DIPK1C: variants seen among roughly 807,000 people sequenced by gnomAD.
DIPK1C encodes familial non-conventional Alzheimer's dementia.
Under a neutral mutation model 28.0 loss-of-function variants are expected in DIPK1C, and 33 were observed. The observed-to-expected ratio is 1.18, with a 90% CI of 0.89 to 1.58. DIPK1C has a LOEUF of 1.58. Among genes scored for constraint, DIPK1C ranks in the 40% most tolerant of loss-of-function variants. The pLI, the probability that DIPK1C is intolerant of heterozygous loss-of-function variation, is 0.00. For synonymous variants in DIPK1C, 255 were observed against 248.8 expected, an observed-to-expected ratio of 1.02 and a Z score of -0.23; for missense variants, 569 against 568.5, an observed-to-expected ratio of 1.00 and a Z score of -0.01.
At position 74,446,940 on chromosome 18, in the gene DIPK1C, C is replaced by A; in HGVS notation, c.542G>T (p.Arg181Leu). Residue 181 changes from arginine (R) to leucine (L), a missense_variant, in exon 2 of 4, where the codon CGG becomes CTG. Transcript: ENST00000343998. ...WWPGRRGPRW[R>L]GQLASLWALL... ...GGCCCACAGGCTGGCCAGCTGTCCC[C>A]GCCAGCGTGGGCCCCGCCTGCCCGG... The A allele has an allele frequency of 6.7e-7, 1 of 1,502,688 alleles. No individual in the cohort carries two copies. The highest frequency in any genetic ancestry group is 1.7e-4 in the Middle Eastern group (1 of 5,752). The allele number at this position is 1,502,688 out of a possible 1,614,324, so 93.1% of individuals were successfully genotyped here.
At chr18:74,458,940 CA>C (rs61690822), upstream of DIPK1C, among the ~76,000 whole-genome samples, 1,030 of 123,146 alleles carry the variant, frequency 8.4e-3, 20 homozygotes, top group African/African-American at 0.022. Flanking sequence ...CCAACCTGGG[CA>C]AAAAAAAAAA....
At chr18:74,445,376 G>A (rs1022191378) in intron 2 of DIPK1C, among the ~76,000 whole-genome samples, 7 of 152,184 alleles carry the variant, frequency 4.6e-5, no homozygotes, top group African/African-American at 1.7e-4. Context: ...CACACTTTGA[G>A]GCACCCGTAG....
At chr18:74,441,351 AAGTGAGG>A (rs1986119415) in intron 3 of DIPK1C, among the ~76,000 whole-genome samples, 1 of 152,132 alleles carries the variant, frequency 6.6e-6, no homozygotes, top group Non-Finnish European at 1.5e-5. Flanking sequence ...TGAGAGCCTC[AAGTGAGG>A]GCAGAAGGAG....
At chr18:74,464,087 T>A in the DIPK1C span, among the ~76,000 whole-genome samples, 1 of 152,200 alleles carries the variant, frequency 6.6e-6, no homozygotes, top group Non-Finnish European at 1.5e-5. Flanking sequence ...CCTCACCCCC[T>A]TTAATCTCAG....
At chr18:74,437,911 A>G (rs1986034683) in intron 3 of DIPK1C, among the ~76,000 whole-genome samples, 1 of 152,126 alleles carries the variant, frequency 6.6e-6, no homozygotes, top group South Asian at 2.1e-4. Context: ...TTTCTTTTTG[A>G]GACAAGGTCT....
intron 3 of DIPK1C, among the ~76,000 whole-genome samples, chr18:74,439,944 C>CTT (rs11350643): frequency 3.9e-5 from 5 of 129,634 alleles, no homozygotes; most frequent in Non-Finnish European, 4.9e-5. Flanking sequence ...GGATCGTATA[C>CTT]TTTTTTTTTT....
chr18:74,446,664 T>G lies in DIPK1C; in HGVS notation c.818A>C (p.His273Pro), dbSNP rs568472946. 262 of 1,505,646 alleles carry G rather than the reference T, an allele frequency of 1.7e-4. 2 individuals are homozygous for G. The South Asian group carries it at 3.2e-3, about 19-fold the overall frequency. 93.3% of individuals were successfully genotyped at this position (1,505,646 alleles called of 1,614,324 possible). A position where few individuals can be genotyped will look rare whatever the true frequency, so the allele number is the denominator to read the frequency against. ...MVNHFDSDFS[H>P]RLHLCDIKPE... ...CTTGATGTCGCAGAGGTGGAGGCGG[T>G]GGGAAAAGTCACTGTCAAAATGGTT... Residue 273 changes from histidine to proline, a missense_variant, in exon 2 of 4, where the codon CAC becomes CCC. His to Pro is a moderately conservative substitution (Grantham distance 77, BLOSUM62 -2). Transcript: ENST00000343998.
intron 2 of DIPK1C, among the ~76,000 whole-genome samples, chr18:74,446,173 G>T (rs904980409): frequency 6.6e-6 from 1 of 152,240 alleles, no homozygotes; most frequent in African/African-American, 2.4e-5. Flanking sequence ...TTGTCACAGA[G>T]CATGGGCAGC....
chr18:74,462,194 C>T (rs561981640), upstream of DIPK1C, among the ~76,000 whole-genome samples: 22 of 152,330 alleles, frequency 1.4e-4, no homozygotes, highest in African/African-American at 5.1e-4. Context: ...CATTGTGTGG[C>T]TGTGGAACGT....
Position 74,447,215 on chromosome 18 carries a change from C to A in DIPK1C, c.267G>T (p.Leu89=), listed in dbSNP as rs1344008038. Residue 89 remains leucine (L), a synonymous_variant, in exon 2 of 4, where the codon CTG becomes CTT. Transcript: ENST00000343998. This position sits in a 1 kb window ranked among gnomAD's most constrained non-coding sequence, Gnocchi z 4.1. The part of the protein sequence containing the change: ...LCEDLCVAGE[L]LFQRCLHYNR... Reference sequence around the variant, plus strand: ...TGTAGTGCAGGCAGCGTTGGAACAGCAGCTCTCCCGCCACACACAGGTCCT... The same window carrying A: ...TGTAGTGCAGGCAGCGTTGGAACAGAAGCTCTCCCGCCACACACAGGTCCT... The A allele has an allele frequency of 2.6e-6, 4 of 1,549,878 alleles. No individual in the cohort carries two copies. The highest frequency in any genetic ancestry group is 2.6e-6 in the Non-Finnish European group (3 of 1,146,622).
chr18:74,452,308 C>A lies in DIPK1C; in HGVS notation c.198+4754G>T, dbSNP rs946063363. ...CTCTTCTTATGTAGAGTGCAAAATT[C>A]GTCTCCCATGGCTTACCAGTGTTAA... On this transcript the variant is annotated intron_variant, in intron 1 of 3. Transcript: ENST00000343998. Among the ~76,000 whole-genome samples, 8 of 152,162 alleles carry A rather than the reference C, an allele frequency of 5.3e-5. No homozygotes were observed. In the East Asian group the frequency reaches 9.6e-4, roughly 18 times the overall value.
chr18:74,447,226 C>G lies in DIPK1C; in HGVS notation c.256G>C (p.Ala86Pro), dbSNP rs556922449. ...CAGCGTTGGAACAGCAGCTCTCCCG[C>G]CACACACAGGTCCTCGCAGAGGTCC... is the stretch of plus-strand genomic sequence containing the variant. ...AGDLCEDLCV[A>P]GELLFQRCLH... The change falls in exon 2 of 4, where the codon GCG becomes CCG. Residue 86 changes from alanine to proline, a missense_variant. Ala to Pro is a conservative substitution (Grantham distance 27). Coordinates refer to ENST00000343998, the MANE Select transcript of DIPK1C (RefSeq NM_001044369.3). The surrounding 1 kb of genome is among the most constrained non-coding windows in gnomAD (Gnocchi z 4.1). 2.2e-5 allele frequency: 34 copies of G among 1,549,804 alleles called. No homozygotes were observed. The East Asian group carries it at 8.1e-4, about 37-fold the overall frequency.
At chr18:74,457,434 G>C (rs1043555355), upstream of DIPK1C, among the ~76,000 whole-genome samples, 3 of 151,600 alleles carry the variant, frequency 2.0e-5, no homozygotes, top group East Asian at 5.9e-4. Context: ...GCGTCCAGCA[G>C]CAGCAACACC....
At chr18:74,456,668 G>A (rs556515388) in intron 1 of DIPK1C, among the ~76,000 whole-genome samples, 269 of 152,316 alleles carry the variant, frequency 1.8e-3, no homozygotes, top group Non-Finnish European at 2.9e-3. Flanking sequence ...TGGCACCCCG[G>A]ATCCCGAACC....
chr18:74,455,659 T>A (rs1409630442), intron 1 of DIPK1C, among the ~76,000 whole-genome samples: 14 of 137,058 alleles, frequency 1.0e-4, no homozygotes, highest in African/African-American at 3.9e-4. Flanking sequence ...GGCATGGTGG[T>A]GGAGGTTGCG....
the DIPK1C span, among the ~76,000 whole-genome samples, chr18:74,463,895 G>A: frequency 6.6e-6 from 1 of 152,200 alleles, no homozygotes; most frequent in Non-Finnish European, 1.5e-5. Flanking sequence ...GCAGACGGAA[G>A]AAGAAGGCTC....
At chr18:74,459,719 G>A (rs1242762719), upstream of DIPK1C, among the ~76,000 whole-genome samples, 2 of 152,168 alleles carry the variant, frequency 1.3e-5, no homozygotes, top group South Asian at 4.1e-4. Context: ...TTAGTCCTCC[G>A]CTGGTGGGAA....
intron 2 of DIPK1C, among the ~76,000 whole-genome samples, chr18:74,442,419 T>C (rs529055382): frequency 9.3e-4 from 141 of 152,230 alleles, no homozygotes; most frequent in African/African-American, 2.8e-3. Context: ...AGCTCCGCCT[T>C]CCGGGTTCAC....
intron 1 of DIPK1C, among the ~76,000 whole-genome samples, chr18:74,453,417 G>A (rs1395797668): frequency 2.0e-5 from 3 of 152,198 alleles, no homozygotes; most frequent in African/African-American, 4.8e-5. Context: ...TAGGAATGTG[G>A]CCGAGCATTC....
Sources: gnomAD v4.1 joint callset for allele counts (sites outside exome capture counted in the v4.1 genomes callset) on GRCh38, gnomAD v4.1.1 for gene constraint, Gnocchi (gnomAD v3.1) non-coding constraint, MANE v1.5 for transcripts, NCBI Gene and HGNC (gene_info 2026-07-23, HGNC 2026-07-21) for gene names.